The following SLC39A11 variants were observed in gnomAD, a reference collection of about 807,000 sequenced individuals.
SLC39A11 encodes the protein solute carrier family 39 member 11, also known as zinc transporter ZIP11.
Under a neutral mutation model 36.1 loss-of-function variants are expected in SLC39A11, and 33 were observed. The observed-to-expected ratio is 0.91, with a 90% confidence interval of 0.69 to 1.22. The LOEUF (loss-of-function observed/expected upper bound fraction) is 1.22. Among genes scored for constraint, SLC39A11 ranks in the 50% most tolerant of loss-of-function variants. The pLI is 0.00. For synonymous variants in SLC39A11, 166 were observed against 170.3 expected (o/e 0.97, Z 0.20); for missense variants, 432 against 430.3 (o/e 1.00, Z -0.03).
chr17:72,840,721 C>T (rs1057328812), intron 6 of SLC39A11, among the ~76,000 whole-genome samples: 55 of 151,870 alleles, frequency 3.6e-4, no homozygotes, highest in African/African-American at 1.3e-3. Flanking sequence ...CGCGCCACTG[C>T]ACTCTACCCT....
At chr17:72,960,079 T>C (rs1013902251) in intron 4 of SLC39A11, among the ~76,000 whole-genome samples, 1 of 152,228 alleles carries the variant, frequency 6.6e-6, no homozygotes, top group African/African-American at 2.4e-5. Context: ...ATAAAGCCTA[T>C]TCATACTCAG....
chr17:73,020,688 T>TG (rs2058315941), intron 4 of SLC39A11, among the ~76,000 whole-genome samples: 1 of 123,058 alleles, frequency 8.1e-6, no homozygotes, highest in African/African-American at 3.5e-5. Context: ...TTCTTTTTTT[T>TG]TTTTTTTTTT....
chr17:73,004,218 A>AGGAAAGAAAGAAAG (rs1491096618), intron 4 of SLC39A11, among the ~76,000 whole-genome samples: 1,145 of 113,308 alleles, frequency 0.01, 84 homozygotes, highest in African/African-American at 0.018. Flanking sequence ...AAAGAAAGAA[A>AGGAAAGAAAGAAAG]GAAAGAAAGA....
intron 5 of SLC39A11, among the ~76,000 whole-genome samples, chr17:72,899,276 G>A (rs1378081942): frequency 6.6e-6 from 1 of 151,716 alleles, no homozygotes; most frequent in Non-Finnish European, 1.5e-5. Context: ...CTCTTGCTGG[G>A]GTGGAAATAC....
chr17:72,815,077 G>C (rs1362333034), intron 6 of SLC39A11, among the ~76,000 whole-genome samples: 1 of 152,186 alleles, frequency 6.6e-6, no homozygotes, highest in Non-Finnish European at 1.5e-5. Context: ...AGCAACCCAG[G>C]AGTTATTGGT....
intron 7 of SLC39A11, among the ~76,000 whole-genome samples, chr17:72,710,912 T>C (rs184862816): frequency 8.5e-5 from 13 of 152,356 alleles, no homozygotes; most frequent in Non-Finnish European, 1.8e-4. Context: ...TCTGGCAAGA[T>C]GCTATTTTAA....
rs1001143615 is a variant in SLC39A11 at position 72,703,865 on chromosome 17, T to C, written c.671+32785A>G. ...ACTGTTGGCCGGGGGTGGTGGCTCATGCCTGTAATCCCAGCACTTCGGGAG... is the reference window on the plus strand; with the variant it reads ...ACTGTTGGCCGGGGGTGGTGGCTCACGCCTGTAATCCCAGCACTTCGGGAG... On this transcript the variant is annotated intron_variant, in intron 7 of 9. Transcript: ENST00000255559. Among the ~76,000 whole-genome samples the C allele has an allele frequency of 9.2e-5, 14 of 152,372 alleles. 1 individual carries two copies. Among genetic ancestry groups the C allele is most frequent in the Middle Eastern group, 6.8e-3 (2 of 294 alleles).
chr17:72,730,279 T>A (rs2074162753), intron 7 of SLC39A11, among the ~76,000 whole-genome samples: 1 of 152,232 alleles, frequency 6.6e-6, no homozygotes. Context: ...AAACGCAGCA[T>A]CAGGATGTCA....
intron 5 of SLC39A11, among the ~76,000 whole-genome samples, chr17:72,857,730 T>C (rs1347859972): frequency 6.6e-6 from 1 of 152,250 alleles, no homozygotes; most frequent in Non-Finnish European, 1.5e-5. Context: ...ATTTCTCTAA[T>C]GATCAGTGGT....
At chr17:72,793,852 T>TGC (rs1254886942) in intron 6 of SLC39A11, among the ~76,000 whole-genome samples, 1 of 152,182 alleles carries the variant, frequency 6.6e-6, no homozygotes. Context: ...TAGGGGAGTG[T>TGC]ACCTTGGCAG....
At chr17:72,877,619 C>T (rs1192747609) in intron 5 of SLC39A11, among the ~76,000 whole-genome samples, 1 of 152,086 alleles carries the variant, frequency 6.6e-6, no homozygotes, top group Admixed American at 6.6e-5. Context: ...AGAGAAATTG[C>T]AGGCAATTTT....
chr17:72,692,249 G>A (rs554559714), intron 7 of SLC39A11, among the ~76,000 whole-genome samples: 5 of 152,216 alleles, frequency 3.3e-5, no homozygotes, highest in Admixed American at 6.5e-5. Context: ...CTGACCTTGC[G>A]AACCACCCGC....
intron 7 of SLC39A11, among the ~76,000 whole-genome samples, chr17:72,651,206 C>A (rs1439342470): frequency 6.6e-6 from 1 of 152,184 alleles, no homozygotes; most frequent in Admixed American, 6.5e-5. Flanking sequence ...GACAAGATTA[C>A]AATGAGCCCC....
intron 7 of SLC39A11, among the ~76,000 whole-genome samples, chr17:72,729,055 G>T (rs2074046598): frequency 1.3e-5 from 2 of 151,868 alleles, no homozygotes; most frequent in Admixed American, 1.3e-4. Flanking sequence ...TTTTCAGTTG[G>T]TGCATTCTTC....
intron 7 of SLC39A11, among the ~76,000 whole-genome samples, chr17:72,682,588 T>C (rs1440901381): frequency 1.3e-5 from 2 of 152,206 alleles, no homozygotes; most frequent in African/African-American, 4.8e-5. Flanking sequence ...GCACAGCTGA[T>C]TGTGGGCAAG....
Position 72,666,382 on chromosome 17 carries a change from G to T in SLC39A11, c.672-17114C>A, listed in dbSNP as rs377602356. Among the ~76,000 whole-genome samples the T allele has an allele frequency of 5.3e-5, 8 of 152,342 alleles. No individual in the cohort carries two copies. In the South Asian group the frequency reaches 6.2e-4, roughly 12 times the overall value. ...ACGGCTGCTCAGCAAAACGGCAGTG[G>T]AGGCCAAATGAGAAAGGTTGAAAGG... is the stretch of plus-strand genomic sequence containing the variant. On this transcript the variant is annotated intron_variant, in intron 7 of 9. Transcript: ENST00000255559.
intron 5 of SLC39A11, among the ~76,000 whole-genome samples, chr17:72,868,840 T>C (rs761619806): frequency 5.3e-5 from 8 of 151,872 alleles, no homozygotes; most frequent in Admixed American, 1.3e-4. Context: ...GTAAGTATTA[T>C]ATGAATGGTA....
At chr17:72,856,579 T>A (rs1021263083) in intron 5 of SLC39A11, among the ~76,000 whole-genome samples, 1 of 152,152 alleles carries the variant, frequency 6.6e-6, no homozygotes, top group Non-Finnish European at 1.5e-5. Context: ...CAAGACATTA[T>A]AGGGCTTTAA....
At chr17:72,698,099 C>T (rs887955463) in intron 7 of SLC39A11, among the ~76,000 whole-genome samples, 2 of 152,186 alleles carry the variant, frequency 1.3e-5, no homozygotes, top group African/African-American at 4.8e-5. Flanking sequence ...ATAAGATAAA[C>T]ACAGATCATA....
Sources: gnomAD v4.1 joint callset for allele counts (sites outside exome capture counted in the v4.1 genomes callset) on GRCh38, gnomAD v4.1.1 for gene constraint, MANE v1.5 for transcripts, NCBI Gene and HGNC (gene_info 2026-07-23, HGNC 2026-07-21) for gene names.